The following TCFL5 variants were observed in gnomAD, a reference collection of about 807,000 sequenced individuals.
The protein encoded by TCFL5 is transcription factor like 5.
In TCFL5, 9 loss-of-function variants were observed where a neutral mutation model predicts 44.3. The observed-to-expected ratio is 0.20, with a 90% CI of 0.12 to 0.35. The LOEUF is 0.35. TCFL5 is among the 10% of genes least tolerant of loss of function. TCFL5 has a pLI of 1.00. For synonymous variants in TCFL5, 319 were observed against 271.6 expected, an observed-to-expected ratio of 1.17 and a Z score of -1.72; for missense variants, 603 against 613.4, an observed-to-expected ratio of 0.98 and a Z score of 0.18.
intron 3 of TCFL5, 104 bp downstream of exon 3, chr20:62,859,260 T>C (rs2063946940): frequency 2.8e-5 from 32 of 1,134,968 alleles, no homozygotes; most frequent in Non-Finnish European, 3.8e-5. Context: ...CTGTTTCACA[T>C]GTGTACAAAC....
In TCFL5 at chr20:62,860,215, C is replaced by T. The variant is rs756531338; in HGVS notation, c.741G>A (p.Ala247=). ...KCTALVKNKT[A]ATTTALQFTY... The stretch of plus-strand genomic sequence containing the variant: ...TAAATTGCAAAGCAGTAGTTGTAGC[C>T]GCAGTTTTATTTTTCACTAATGCTG... Residue 247 remains alanine, a synonymous_variant, in exon 2 of 6, where the codon GCG becomes GCA. Coordinates refer to ENST00000335351, the MANE Select transcript of TCFL5 (RefSeq NM_006602.4). The T allele has an allele frequency of 1.9e-6, 3 of 1,613,582 alleles. No individual in the cohort carries two copies. Among genetic ancestry groups the T allele is most frequent in the Non-Finnish European group, 2.5e-6 (3 of 1,179,716 alleles).
chr20:62,852,781 A>C, intron 5 of TCFL5: 1 of 1,288,868 alleles, frequency 7.8e-7, no homozygotes, highest in Non-Finnish European at 1.0e-6. Flanking sequence ...ATTCCACAGA[A>C]GCACGGTCAC....
In TCFL5 at chr20:62,845,627, T is replaced by C. The variant is rs761379161; in HGVS notation, c.1381-3530A>G. ...TAGACCCTCGGAGCTGGTCTCGGAC[T>C]GCTGGGGCGTCACCCCTTCAGCAAC... is the stretch of plus-strand genomic sequence containing the variant. On this transcript the variant is annotated intron_variant, in intron 5 of 5. Coordinates refer to ENST00000335351, the MANE Select transcript of TCFL5 (RefSeq NM_006602.4). The C allele has an allele frequency of 1.9e-6, 3 of 1,598,260 alleles. No homozygotes were observed. In the East Asian group the frequency reaches 6.7e-5, roughly 36 times the overall value.
At chr20:62,845,638 C>G in intron 5 of TCFL5, 1 of 1,490,548 alleles carries the variant, frequency 6.7e-7, no homozygotes, top group South Asian at 1.1e-5. Context: ...GCTGGGGCGT[C>G]ACCCCTTCAG....
intron 5 of TCFL5, among the ~76,000 whole-genome samples, chr20:62,848,636 G>A (rs1337656660): frequency 6.6e-6 from 1 of 152,022 alleles, no homozygotes; most frequent in Admixed American, 6.6e-5. Context: ...TACTCGGGAG[G>A]CTGAGGCAGG....
intron 5 of TCFL5, among the ~76,000 whole-genome samples, chr20:62,850,214 T>C (rs1210082940): frequency 6.6e-6 from 1 of 152,122 alleles, no homozygotes; most frequent in Non-Finnish European, 1.5e-5. Context: ...GTAAATACGG[T>C]AAATGTTCAT....
At chr20:62,858,993 G>C (rs1449749233) in intron 3 of TCFL5, among the ~76,000 whole-genome samples, 1 of 152,196 alleles carries the variant, frequency 6.6e-6, no homozygotes, top group Non-Finnish European at 1.5e-5. Flanking sequence ...CCTATCCAAA[G>C]GCTTTCGGCA....
chr20:62,847,902 A>G (rs1297075236), intron 5 of TCFL5, among the ~76,000 whole-genome samples: 2 of 152,238 alleles, frequency 1.3e-5, no homozygotes, highest in Admixed American at 1.3e-4. Flanking sequence ...ATGGGAGGCC[A>G]TGATCACAGG....
intron 3 of TCFL5, among the ~76,000 whole-genome samples, chr20:62,858,160 G>A (rs143779940): frequency 7.0e-4 from 106 of 152,298 alleles, no homozygotes; most frequent in African/African-American, 2.5e-3. Context: ...GTGTGCCCTC[G>A]CCGCAGAAGT....
At chr20:62,846,012 G>A (rs1389566056) in intron 5 of TCFL5, 4 of 1,384,798 alleles carry the variant, frequency 2.9e-6, no homozygotes, top group Admixed American at 2.2e-5. Context: ...AGCCATTTGT[G>A]ATTTGCTGTT....
chr20:62,859,044 G>A (rs2063942997), intron 3 of TCFL5, among the ~76,000 whole-genome samples: 1 of 152,010 alleles, frequency 6.6e-6, no homozygotes, highest in South Asian at 2.1e-4. Context: ...ATAACATAAG[G>A]AAAATAAAAA....
chr20:62,852,109 A>G, intron 5 of TCFL5: 1 of 985,404 alleles, frequency 1.0e-6, no homozygotes, highest in Non-Finnish European at 1.2e-6. Flanking sequence ...CAGGCCTGGG[A>G]GCCCTTCTTG....
In TCFL5 at chr20:62,841,896, G is replaced by C; in HGVS notation, c.*79C>G. On this transcript the variant is annotated 3_prime_UTR_variant, in exon 6 of 6. Transcript: ENST00000335351. ...CTTTTCGAGTCAGACTAGCCGAGCA[G>C]AGCTCCAGGGTTGCAGAAGGCGTGC... 6.4e-7 allele frequency: 1 copy of C among 1,571,454 alleles called. No individual in the cohort carries two copies. The highest frequency in any genetic ancestry group is 8.6e-7 in the Non-Finnish European group (1 of 1,157,802).
chr20:62,844,583 T>G (rs576128312), intron 5 of TCFL5, among the ~76,000 whole-genome samples: 87 of 100,818 alleles, frequency 8.6e-4, no homozygotes, highest in African/African-American at 3.4e-3. Context: ...TTGTTTTTTG[T>G]TTTTTTTTTT....
intron 5 of TCFL5, among the ~76,000 whole-genome samples, chr20:62,846,515 T>C (rs1025009069): frequency 6.6e-6 from 1 of 152,198 alleles, no homozygotes; most frequent in Non-Finnish European, 1.5e-5. Context: ...TGTGAAATCG[T>C]TGAGTTTTAA....
intron 5 of TCFL5, chr20:62,852,992 C>A (rs187928148): frequency 1.6e-6 from 2 of 1,274,156 alleles, no homozygotes; most frequent in Admixed American, 4.7e-5. Flanking sequence ...GGCTGAAGTA[C>A]ATTCACCCAG....
Position 62,861,646 on chromosome 20 carries a change from G to A in TCFL5, c.25C>T (p.Pro9Ser). 1.0e-6 allele frequency: 1 copy of A among 956,218 alleles called. No individual in the cohort carries two copies. The highest frequency in any genetic ancestry group is 1.2e-6 in the Non-Finnish European group (1 of 803,618). The allele number at this position is 956,218 out of a possible 1,614,324, so 59.2% of individuals were successfully genotyped here. A position where few individuals can be genotyped will look rare whatever the true frequency, so the allele number is the denominator to read the frequency against. ...CCTGCCGCGCCTGCCTCCGGCGGCG[G>A]CTCCCGCGGTCCGGGGCCCGACATG... MSGPGPRE[P>S]PPEAGAAGGE... Residue 9 changes from proline to serine, a missense_variant, in exon 1 of 6, where the codon CCG becomes TCG. This residue lies in a region of TCFL5 where 540 missense variants were observed against 478.7 expected (regional missense o/e 1.13). Coordinates refer to ENST00000335351, the MANE Select transcript of TCFL5 (RefSeq NM_006602.4). The surrounding 1 kb of genome is among the most constrained non-coding windows in gnomAD (Gnocchi z 4.0).
At chr20:62,846,509 A>G (rs1478999981) in intron 5 of TCFL5, among the ~76,000 whole-genome samples, 2 of 152,276 alleles carry the variant, frequency 1.3e-5, no homozygotes, top group Non-Finnish European at 2.9e-5. Flanking sequence ...AACATATGTG[A>G]AATCGTTGAG....
chr20:62,842,171 G>A lies in TCFL5; in HGVS notation c.1381-74C>T. 1 of 1,584,768 alleles carries A rather than the reference G, an allele frequency of 6.3e-7. No homozygotes were observed. Among genetic ancestry groups the A allele is most frequent in the Non-Finnish European group, 8.6e-7 (1 of 1,162,686 alleles). ...ACTGCTGTCTTCCAAAGTGCAAAAG[G>A]TTCAAATTAAGAGCTAAGTAAATGA... On this transcript the variant is annotated intron_variant, in intron 5 of 5. Transcript: ENST00000335351. This position sits in a 1 kb window ranked among gnomAD's most constrained non-coding sequence, Gnocchi z 4.3.
Sources: allele counts gnomAD v4.1 joint callset (sites outside exome capture counted in the v4.1 genomes callset), GRCh38; gene constraint gnomAD v4.1.1; regional missense constraint gnomAD v4.1.1; non-coding constraint Gnocchi (gnomAD v3.1); transcripts MANE v1.5; gene names NCBI Gene and HGNC (gene_info 2026-07-23, HGNC 2026-07-21).